DISC1: variants seen among roughly 807,000 people sequenced by gnomAD.
DISC1 encodes disrupted in schizophrenia 1 protein.
DISC1 carries 57 observed loss-of-function variants against 84.5 expected under a neutral mutation model. The ratio of observed to expected loss-of-function variants is 0.67; its 90% CI spans 0.55 to 0.84. The LOEUF (loss-of-function observed/expected upper bound fraction) is 0.84, where lower values mean the gene tolerates loss of function less well. Among genes scored for constraint, DISC1 ranks in the 40% least tolerant of loss-of-function variants. The pLI, the probability that DISC1 is intolerant of heterozygous loss-of-function variation, is 0.00. For missense variants in DISC1, 1,000 were observed against 1,057.8 expected (o/e 0.95, Z 0.76); for synonymous variants, 411 against 415.2 (o/e 0.99, Z 0.12).
At chr1:231,883,691 G>C (rs2086460032) in intron 9 of DISC1, among the ~76,000 whole-genome samples, 1 of 152,136 alleles carries the variant, frequency 6.6e-6, no homozygotes, top group African/African-American at 2.4e-5. Flanking sequence ...GGTGAGAGCT[G>C]GTGAGAGAAA....
intron 3 of DISC1, among the ~76,000 whole-genome samples, chr1:231,716,435 AT>A (rs942560800): frequency 6.6e-6 from 1 of 151,638 alleles, no homozygotes; most frequent in East Asian, 1.9e-4. Flanking sequence ...ATGGCAAACT[AT>A]TTTTTTTATC....
chr1:232,020,764 C>T (rs1209941124), intron 11 of DISC1, among the ~76,000 whole-genome samples: 1 of 152,176 alleles, frequency 6.6e-6, no homozygotes, highest in Non-Finnish European at 1.5e-5. Context: ...TCTTCAACAG[C>T]TCCCTTTATT....
intron 9 of DISC1, among the ~76,000 whole-genome samples, chr1:231,882,446 G>T (rs2086353683): frequency 6.6e-6 from 1 of 152,154 alleles, no homozygotes. Flanking sequence ...CAGAGAAAAT[G>T]TGTTTGATTT....
intron 10 of DISC1, among the ~76,000 whole-genome samples, chr1:232,006,430 G>A (rs1240580593): frequency 6.6e-6 from 1 of 152,140 alleles, no homozygotes; most frequent in Non-Finnish European, 1.5e-5. Flanking sequence ...GAGCAAAGGG[G>A]ACTCTTGTTA....
At chr1:231,842,363 T>C (rs1218468743) in intron 9 of DISC1, among the ~76,000 whole-genome samples, 1 of 152,130 alleles carries the variant, frequency 6.6e-6, no homozygotes, top group Non-Finnish European at 1.5e-5. Flanking sequence ...TTGCATAGAA[T>C]AGGGGCTTAG....
intron 9 of DISC1, chr1:231,855,146 G>A (rs1000142978): frequency 9.9e-7 from 1 of 1,010,560 alleles, no homozygotes; most frequent in South Asian, 3.9e-5. Context: ...TTTCAATGTT[G>A]ATGCAGCGTC....
At chr1:232,011,928 G>GAT (rs1159148687) in intron 11 of DISC1, among the ~76,000 whole-genome samples, 2 of 152,056 alleles carry the variant, frequency 1.3e-5, no homozygotes, top group Non-Finnish European at 2.9e-5. Flanking sequence ...CCTCAGTTAG[G>GAT]CCTCTTACAG....
intron 9 of DISC1, among the ~76,000 whole-genome samples, chr1:231,952,452 A>G (rs950129895): frequency 7.2e-5 from 11 of 152,114 alleles, no homozygotes; most frequent in Non-Finnish European, 1.0e-4. Context: ...TCCTCTCTTG[A>G]GAGTTCTAGC....
At chr1:231,927,644 A>C (rs1354017018) in intron 9 of DISC1, among the ~76,000 whole-genome samples, 1 of 152,230 alleles carries the variant, frequency 6.6e-6, no homozygotes, top group African/African-American at 2.4e-5. Flanking sequence ...GCCAGGAACC[A>C]TGCCAAGTAC....
chr1:232,040,528 TC>T lies in DISC1; in HGVS notation c.*3700del, dbSNP rs2103078481. On this transcript the variant is annotated 3_prime_UTR_variant, in exon 13 of 13. Coordinates refer to ENST00000439617, the MANE Select transcript of DISC1 (RefSeq NM_018662.3). ...GCAACTGAGCCTTAAGAGGACTAAT[TC>T]CCTTTTTCTAAGGCACAGAGCTGGT... is the stretch of plus-strand genomic sequence containing the variant. 1 of 152,222 alleles carries T rather than the reference TC, an allele frequency of 6.6e-6. No individual in the cohort carries two copies. The allele number at this position is 152,222 out of a possible 1,614,324, so 9.4% of individuals were successfully genotyped here.
chr1:232,035,097 G>A (rs889543031), intron 12 of DISC1, among the ~76,000 whole-genome samples: 3 of 152,088 alleles, frequency 2.0e-5, no homozygotes, highest in Non-Finnish European at 2.9e-5. Context: ...GGTTCAGCAC[G>A]TTTGCTTAGA....
At chr1:231,835,415 T>C (rs1268509370) in intron 9 of DISC1, among the ~76,000 whole-genome samples, 1 of 152,126 alleles carries the variant, frequency 6.6e-6, no homozygotes, top group Non-Finnish European at 1.5e-5. Flanking sequence ...AGGGGGGTTG[T>C]TCTTTGGCGG....
At chr1:231,943,708 T>C (rs2067910945) in intron 9 of DISC1, 2 of 150,580 alleles carry the variant, frequency 1.3e-5, no homozygotes, top group Admixed American at 1.3e-4. Flanking sequence ...ACGAAGAACA[T>C]GACTTGACAA....
intron 9 of DISC1, among the ~76,000 whole-genome samples, chr1:231,853,549 A>G (rs575201672): frequency 6.6e-6 from 1 of 152,200 alleles, no homozygotes; most frequent in Non-Finnish European, 1.5e-5. Context: ...CATCACATAC[A>G]TGGTCTATTG....
At chr1:231,829,727 G>A (rs2082097843) in intron 9 of DISC1, among the ~76,000 whole-genome samples, 1 of 152,196 alleles carries the variant, frequency 6.6e-6, no homozygotes, top group Non-Finnish European at 1.5e-5. Context: ...CAACGAGGCT[G>A]TTTATTTCAC....
chr1:231,792,617 GGAAGGT>G (rs2078434680), intron 6 of DISC1, among the ~76,000 whole-genome samples: 1 of 152,180 alleles, frequency 6.6e-6, no homozygotes. Context: ...TTCTGCCCAA[GGAAGGT>G]TTTCAGTTTG....
intron 10 of DISC1, among the ~76,000 whole-genome samples, chr1:231,972,356 G>T (rs1390942598): frequency 6.6e-6 from 1 of 152,222 alleles, no homozygotes; most frequent in Non-Finnish European, 1.5e-5. Context: ...CTCACCTGGA[G>T]TATGTTTCAT....
intron 9 of DISC1, among the ~76,000 whole-genome samples, chr1:231,893,301 A>T (rs1361093712): frequency 6.6e-6 from 1 of 152,240 alleles, no homozygotes; most frequent in Non-Finnish European, 1.5e-5. Context: ...ACCTTGGATC[A>T]TGTGTATATG....
chr1:231,875,375 G>A (rs1381992978), intron 9 of DISC1, among the ~76,000 whole-genome samples: 2 of 152,144 alleles, frequency 1.3e-5, no homozygotes, highest in Non-Finnish European at 2.9e-5. Flanking sequence ...CTTGTCAGCC[G>A]AGTGTTAGAC....
Sources: gnomAD v4.1 joint callset for allele counts (sites outside exome capture counted in the v4.1 genomes callset) on GRCh38, gnomAD v4.1.1 for gene constraint, MANE v1.5 for transcripts, NCBI Gene and HGNC (gene_info 2026-07-23, HGNC 2026-07-21) for gene names.